KCNB2: variants seen among roughly 807,000 people sequenced by gnomAD.
The protein encoded by KCNB2 is potassium voltage-gated channel subfamily B member 2.
A neutral mutation model predicts 61.5 loss-of-function variants in KCNB2; 15 were observed. The ratio of observed to expected loss-of-function variants is 0.24; its 90% CI spans 0.16 to 0.38. KCNB2 has a LOEUF of 0.38. Among genes scored for constraint, KCNB2 ranks in the 10% least tolerant of loss-of-function variants. The pLI, the probability that KCNB2 is intolerant of heterozygous loss-of-function variation, is 1.00. For synonymous variants in KCNB2, 457 were observed against 446.0 expected (o/e 1.02, Z -0.31); for missense variants, 828 against 1,125.2 (o/e 0.74, Z 3.78).
At chr8:72,756,843 A>T (rs1474997400) in intron 2 of KCNB2, among the ~76,000 whole-genome samples, 1 of 152,132 alleles carries the variant, frequency 6.6e-6, no homozygotes, top group East Asian at 1.9e-4. Flanking sequence ...GGAGTCAAAG[A>T]GGGGTCTAGA....
intron 2 of KCNB2, among the ~76,000 whole-genome samples, chr8:72,867,706 C>T (rs751303481): frequency 7.9e-5 from 12 of 152,190 alleles, no homozygotes; most frequent in Non-Finnish European, 1.5e-4. Context: ...AACAAATCCA[C>T]TCACACTTCA....
At chr8:72,839,154 C>A (rs1207549716) in intron 2 of KCNB2, among the ~76,000 whole-genome samples, 1 of 152,150 alleles carries the variant, frequency 6.6e-6, no homozygotes, top group Non-Finnish European at 1.5e-5. Context: ...CAAACGTATA[C>A]CTTTTCTAGT....
intron 2 of KCNB2, among the ~76,000 whole-genome samples, chr8:72,899,872 A>G (rs917820485): frequency 2.0e-5 from 3 of 152,160 alleles, no homozygotes; most frequent in Non-Finnish European, 2.9e-5. Context: ...AAAATTTCAT[A>G]TGAAGCCAGA....
intron 2 of KCNB2, among the ~76,000 whole-genome samples, chr8:72,691,713 C>T (rs1265542969): frequency 6.6e-6 from 1 of 152,186 alleles, no homozygotes; most frequent in Non-Finnish European, 1.5e-5. Flanking sequence ...TGTCATGGTT[C>T]ATCCTCCCAT....
intron 2 of KCNB2, among the ~76,000 whole-genome samples, chr8:72,592,798 T>C (rs920785026): frequency 1.3e-5 from 2 of 152,164 alleles, no homozygotes; most frequent in Admixed American, 1.3e-4. Context: ...GAGACTTTTG[T>C]GCACTAAGCT....
chr8:72,898,655 T>C (rs547976797), intron 2 of KCNB2, among the ~76,000 whole-genome samples: 6 of 152,302 alleles, frequency 3.9e-5, no homozygotes, highest in African/African-American at 1.4e-4. Context: ...AATGTACTTT[T>C]TTATTTTTTA....
chr8:72,689,007 G>T (rs1050041172), intron 2 of KCNB2, among the ~76,000 whole-genome samples: 1 of 152,198 alleles, frequency 6.6e-6, no homozygotes, highest in Non-Finnish European at 1.5e-5. Context: ...GGGATTACAG[G>T]CATGAGCCAC....
At chr8:72,555,551 C>G (rs145519714) in intron 1 of KCNB2, among the ~76,000 whole-genome samples, 26 of 151,324 alleles carry the variant, frequency 1.7e-4, no homozygotes, top group African/African-American at 5.8e-4. Context: ...AAAAACAGTG[C>G]TTTAAATATC....
chr8:72,759,087 G>A lies in KCNB2; in HGVS notation c.580-176848G>A, dbSNP rs189530285. Among the ~76,000 whole-genome samples the A allele has an allele frequency of 3.2e-4, 49 of 152,226 alleles. No individual in the cohort carries two copies. The East Asian group carries it at 3.5e-3, about 11-fold the overall frequency. On this transcript the variant is annotated intron_variant, in intron 2 of 2. Transcript: ENST00000523207. ...AATGAAAGTGTTATGTTGGGGCCAC[G>A]GGGATAGAGTGGAGGCAGAGGGTAA...
chr8:72,572,269 T>C (rs1373672367), intron 2 of KCNB2, among the ~76,000 whole-genome samples: 4 of 152,134 alleles, frequency 2.6e-5, no homozygotes, highest in African/African-American at 9.7e-5. Context: ...TGGATGTGTG[T>C]GCCGGGCAGT....
chr8:72,605,715 A>C (rs1805434812), intron 2 of KCNB2, among the ~76,000 whole-genome samples: 1 of 152,228 alleles, frequency 6.6e-6, no homozygotes, highest in Non-Finnish European at 1.5e-5. Context: ...ATTCCAAATG[A>C]ATCTTTTTTC....
chr8:72,767,784 A>G (rs181610189), intron 2 of KCNB2, among the ~76,000 whole-genome samples: 3 of 152,338 alleles, frequency 2.0e-5, no homozygotes, highest in Admixed American at 2.0e-4. Flanking sequence ...ATTTTGAGGA[A>G]CTGACAAATT....
chr8:72,903,288 C>A (rs915711020), intron 2 of KCNB2, among the ~76,000 whole-genome samples: 2 of 152,044 alleles, frequency 1.3e-5, no homozygotes, highest in Non-Finnish European at 2.9e-5. Context: ...AGGACCAGGT[C>A]TTTACTGTGG....
At chr8:72,669,962 T>C (rs1806536364) in intron 2 of KCNB2, among the ~76,000 whole-genome samples, 1 of 152,198 alleles carries the variant, frequency 6.6e-6, no homozygotes, top group Non-Finnish European at 1.5e-5. Flanking sequence ...AGAGAACACC[T>C]GCCAGGCATG....
chr8:72,742,269 C>T (rs150581734), intron 2 of KCNB2, among the ~76,000 whole-genome samples: 31 of 152,306 alleles, frequency 2.0e-4, no homozygotes, highest in African/African-American at 7.0e-4. Context: ...GTAGAAGTTT[C>T]TCCTTCTTGA....
At position 72,834,009 on chromosome 8, in the gene KCNB2, C is replaced by G. The variant is rs77212860; in HGVS notation, c.580-101926C>G. On this transcript the variant is annotated intron_variant, in intron 2 of 2. Transcript: ENST00000523207. ...GTTGATACAAACCAGATACTGTTTT[C>G]TCCACAAAAGCATTTTTCTTCCCAC... 2.2e-4 allele frequency among the ~76,000 whole-genome samples: 33 copies of G among 152,316 alleles called. No homozygotes were observed. The East Asian group carries it at 6.4e-3, about 29-fold the overall frequency.
intron 2 of KCNB2, among the ~76,000 whole-genome samples, chr8:72,934,271 G>A (rs1048274213): frequency 6.6e-6 from 1 of 151,946 alleles, no homozygotes; most frequent in Non-Finnish European, 1.5e-5. Context: ...AGGTGGCTGA[G>A]GTCAAGGCCA....
At chr8:72,675,222 AT>A (rs1806633037) in intron 2 of KCNB2, among the ~76,000 whole-genome samples, 1 of 152,218 alleles carries the variant, frequency 6.6e-6, no homozygotes. Context: ...TTTGCCAAGA[AT>A]TTTTTTAATC....
chr8:72,661,916 G>GGTTTT (rs1806387416), intron 2 of KCNB2, among the ~76,000 whole-genome samples: 1 of 151,994 alleles, frequency 6.6e-6, no homozygotes, highest in African/African-American at 2.4e-5. Context: ...TTTTGTCTTT[G>GGTTTT]GTTTTGTTTT....
Sources: allele counts gnomAD v4.1 joint callset (sites outside exome capture counted in the v4.1 genomes callset), GRCh38; gene constraint gnomAD v4.1.1; transcripts MANE v1.5; gene names NCBI Gene and HGNC (gene_info 2026-07-23, HGNC 2026-07-21).